DAZL: variants seen among roughly 807,000 people sequenced by gnomAD.
DAZL encodes deleted in azoospermia-like.
A neutral mutation model predicts 45.0 loss-of-function variants in DAZL; 4 were observed. The ratio of observed to expected loss-of-function variants is 0.09; its 90% CI spans 0.04 to 0.20. DAZL has a LOEUF of 0.20. Among genes scored for constraint, DAZL ranks in the 10% least tolerant of loss-of-function variants. DAZL has a pLI of 1.00. For missense variants in DAZL, 326 were observed against 351.3 expected, an observed-to-expected ratio of 0.93 and a Z score of 0.58; for synonymous variants, 122 against 112.4, an observed-to-expected ratio of 1.09 and a Z score of -0.54.
chr3:16,595,314 C>A lies in DAZL; in HGVS notation c.570G>T (p.Gln190His). The change falls in exon 7 of 11, where the codon CAG becomes CAT. Residue 190 changes from glutamine (Q) to histidine (H), a missense_variant and splice_region_variant. This residue lies in a region of DAZL where 227 missense variants were observed against 216.6 expected (regional missense o/e 1.05). Coordinates refer to ENST00000399444, the MANE Select transcript of DAZL (RefSeq NM_001351.4). ...TGYQLPVYNY[Q>H]MPPQWPVGEQ... is the part of the protein sequence containing the mutation. ...ATCATTTTACTCCCTTTTAAATTAC[C>A]TGATAATTATATACAGGCAACTGAT... The A allele has an allele frequency of 6.6e-7, 1 of 1,517,582 alleles. No individual in the cohort carries two copies. The allele number at this position is 1,517,582 out of a possible 1,614,324, so 94.0% of individuals were successfully genotyped here. A position where few individuals can be genotyped will look rare whatever the true frequency, so the allele number is the denominator to read the frequency against.
At chr3:16,594,060 T>G (rs1694560943) in intron 8 of DAZL, among the ~76,000 whole-genome samples, 1 of 152,202 alleles carries the variant, frequency 6.6e-6, no homozygotes, top group Non-Finnish European at 1.5e-5. Context: ...TCCTTCAAAT[T>G]TCCAATCCTG....
chr3:16,595,007 A>G (rs1173335067), intron 7 of DAZL, among the ~76,000 whole-genome samples: 2 of 151,940 alleles, frequency 1.3e-5, no homozygotes, highest in Non-Finnish European at 2.9e-5. Flanking sequence ...AAAATTGATG[A>G]AAGTCCGTCT....
intron 10 of DAZL, among the ~76,000 whole-genome samples, chr3:16,589,899 TAAAAAA>T (rs34303748): frequency 9.0e-5 from 13 of 143,936 alleles, no homozygotes; most frequent in Non-Finnish European, 1.8e-4. Flanking sequence ...TTCTGTCTCT[TAAAAAA>T]AAAAAAAAAA....
intron 1 of DAZL, chr3:16,604,682 C>T (rs1439474781): frequency 3.7e-6 from 5 of 1,358,646 alleles, no homozygotes; most frequent in Non-Finnish European, 9.4e-7. Flanking sequence ...GAAGCTCCGG[C>T]CCTCGAAGTT....
chr3:16,599,813 T>C (rs1559404314), intron 1 of DAZL, among the ~76,000 whole-genome samples: 5 of 152,172 alleles, frequency 3.3e-5, no homozygotes, highest in Admixed American at 2.6e-4. Context: ...AAAATTAATT[T>C]AGTCAGGAGA....
chr3:16,598,304 G>A, intron 2 of DAZL, 126 bp from the exon 3 acceptor site: 1 of 1,401,852 alleles, frequency 7.1e-7, no homozygotes, highest in South Asian at 1.2e-5. Context: ...GTAGCTCTTT[G>A]TCAAAGATAT....
chr3:16,604,700 G>C (rs998212584), intron 1 of DAZL: 5 of 1,359,436 alleles, frequency 3.7e-6, no homozygotes, highest in Non-Finnish European at 4.7e-6. Context: ...GTTTAAGAAG[G>C]CAAGTCCCTC....
At chr3:16,596,722 G>C in intron 6 of DAZL, 28 bp downstream of exon 6, 3 of 1,611,676 alleles carry the variant, frequency 1.9e-6, no homozygotes, top group Non-Finnish European at 2.5e-6. Context: ...CAATAAACAA[G>C]AGAATAGGAA....
At chr3:16,600,832 G>A (rs1022984859) in intron 1 of DAZL, among the ~76,000 whole-genome samples, 2 of 152,184 alleles carry the variant, frequency 1.3e-5, no homozygotes, top group Non-Finnish European at 2.9e-5. Context: ...GCAGAAAACT[G>A]TGTCAGATTA....
chr3:16,594,195 G>T (rs1275620832), intron 8 of DAZL, among the ~76,000 whole-genome samples: 7 of 152,002 alleles, frequency 4.6e-5, no homozygotes, highest in African/African-American at 7.2e-5. Flanking sequence ...GGCTGGTAAA[G>T]CCAGAGGCAG....
intron 1 of DAZL, among the ~76,000 whole-genome samples, chr3:16,604,111 G>A (rs1462283181): frequency 6.6e-6 from 1 of 152,076 alleles, no homozygotes; most frequent in African/African-American, 2.4e-5. Flanking sequence ...ACACATAATA[G>A]GTGTTTATTT....
chr3:16,596,031 A>G (rs1374024145), intron 6 of DAZL, among the ~76,000 whole-genome samples: 2 of 151,934 alleles, frequency 1.3e-5, no homozygotes, highest in Non-Finnish European at 2.9e-5. Context: ...TTGTTCAGAG[A>G]AGGAGAAAGA....
chr3:16,591,858 C>T (rs1575415965), intron 10 of DAZL, among the ~76,000 whole-genome samples, 192 bp downstream of exon 10: 1 of 152,182 alleles, frequency 6.6e-6, no homozygotes. Context: ...AAGATAACTA[C>T]ATTATGTCAA....
At chr3:16,604,762 A>T in intron 1 of DAZL, 2 of 1,346,964 alleles carry the variant, frequency 1.5e-6, no homozygotes, top group Non-Finnish European at 1.9e-6. Flanking sequence ...GCCAGAAATG[A>T]GGCTGGCGGG....
At chr3:16,599,384 C>T (rs1240092486) in intron 1 of DAZL, among the ~76,000 whole-genome samples, 2 of 152,074 alleles carry the variant, frequency 1.3e-5, no homozygotes, top group Non-Finnish European at 2.9e-5. Flanking sequence ...CCTGCTTCGC[C>T]TTTTTCACCA....
chr3:16,594,584 C>CT lies in DAZL; in HGVS notation c.571-2dup. ...CCCCAACAGGCCACTGTGGTGGCAT[C>CT]TTAAAAAAAAAAAAAAGGAAACCAA... On this transcript the variant is annotated splice_acceptor_variant, in intron 7 of 10. Transcript: ENST00000399444. LOFTEE classifies it high-confidence loss of function. 1 of 1,502,486 alleles carries CT rather than the reference C, an allele frequency of 6.7e-7. No individual in the cohort carries two copies. Among genetic ancestry groups the CT allele is most frequent in the Non-Finnish European group, 8.9e-7 (1 of 1,120,688 alleles). The allele number at this position is 1,502,486 out of a possible 1,614,324, so 93.1% of individuals were successfully genotyped here.
chr3:16,605,150 C>G (rs1694759519), intron 1 of DAZL, 53 bp downstream of exon 1: 1 of 1,611,844 alleles, frequency 6.2e-7, no homozygotes, highest in African/African-American at 1.3e-5. Context: ...CGAGTTTCAC[C>G]CACGAGTGAA....
chr3:16,590,973 C>G (rs547040435), intron 10 of DAZL, among the ~76,000 whole-genome samples: 1 of 152,128 alleles, frequency 6.6e-6, no homozygotes, highest in African/African-American at 2.4e-5. Context: ...TATGAAAAAC[C>G]AGTGAAATGC....
chr3:16,598,290 A>T (rs1268551209), intron 2 of DAZL, 112 bp from the exon 3 acceptor site: 1 of 1,396,678 alleles, frequency 7.2e-7, no homozygotes, highest in Non-Finnish European at 1.0e-6. Flanking sequence ...TCCCCAAATG[A>T]CCAGTAGCTC....
Sources: gnomAD v4.1 joint callset for allele counts (sites outside exome capture counted in the v4.1 genomes callset) on GRCh38, gnomAD v4.1.1 for gene constraint, gnomAD v4.1.1 regional missense constraint, MANE v1.5 for transcripts, NCBI Gene and HGNC (gene_info 2026-07-23, HGNC 2026-07-21) for gene names.